Variants in DTHD1 observed in about 807,000 individuals in gnomAD.
DTHD1 encodes the protein death domain containing 1, also known as death domain-containing protein 1.
In DTHD1, 59 loss-of-function variants were observed where a neutral mutation model predicts 74.8. The ratio of observed to expected loss-of-function variants is 0.79; its 90% confidence interval spans 0.64 to 0.98. The LOEUF is 0.98. Ranked by LOEUF, DTHD1 falls within the 50% of genes least tolerant of loss-of-function variation. The probability of loss-of-function intolerance (pLI) is 0.00; values close to 1 mark genes in which losing one functional copy is unlikely to be tolerated. For missense variants in DTHD1, 1,051 were observed against 1,065.4 expected (o/e 0.99, Z 0.19); for synonymous variants, 365 against 371.1 (o/e 0.98, Z 0.19).
chr4:36,316,427 G>C lies in DTHD1; in HGVS notation c.2281G>C (p.Val761Leu), dbSNP rs542659542. 2.4e-5 allele frequency: 37 copies of C among 1,551,746 alleles called. No homozygotes were observed. Among genetic ancestry groups the C allele is most frequent in the Middle Eastern group, 1.7e-4 (1 of 5,994 alleles). ...KIVPNLNQSL[V>L]INENHSQLPI... ...AGTCCCCAACTTGAATCAATCTCTC[G>C]TAATTAATGAAAACCATTCTCAGTT... is the stretch of plus-strand genomic sequence containing the variant. Residue 761 changes from valine to leucine, a missense_variant, in exon 8 of 10, where the codon GTA (valine) becomes CTA (leucine). Coordinates refer to ENST00000639862, the MANE Select transcript of DTHD1 (RefSeq NM_001170700.3).
chr4:36,320,577 A>T (rs1170327208), intron 8 of DTHD1, among the ~76,000 whole-genome samples: 6 of 152,202 alleles, frequency 3.9e-5, no homozygotes, highest in African/African-American at 1.4e-4. Context: ...GGCTTTCCAG[A>T]TTCACTCTTT....
chr4:36,342,224 G>C (rs1343228319), intron 9 of DTHD1, among the ~76,000 whole-genome samples: 1 of 152,216 alleles, frequency 6.6e-6, no homozygotes, highest in East Asian at 1.9e-4. Context: ...GGAGGTAGCA[G>C]AACTCTGGGT....
chr4:36,316,375 C>G lies in DTHD1; in HGVS notation c.2229C>G (p.Val743=). The G allele has an allele frequency of 6.4e-7, 1 of 1,552,040 alleles. No homozygotes were observed. Among genetic ancestry groups the G allele is most frequent in the Non-Finnish European group, 8.7e-7 (1 of 1,147,046 alleles). The change falls in exon 8 of 10, where the codon GTC becomes GTG. Residue 743 remains valine (V), a synonymous_variant. Coordinates refer to ENST00000639862, the MANE Select transcript of DTHD1 (RefSeq NM_001170700.3). The part of the protein sequence containing the change: ...YSCPHYKGTI[V]VYKVPKGKIV... Reference sequence around the variant, plus strand: ...GCCCTCATTACAAAGGCACCATTGTCGTTTATAAAGTACCTAAAGGAAAGA... The same window carrying G: ...GCCCTCATTACAAAGGCACCATTGTGGTTTATAAAGTACCTAAAGGAAAGA...
chr4:36,328,974 A>G (rs1296157509), intron 8 of DTHD1, among the ~76,000 whole-genome samples: 1 of 152,234 alleles, frequency 6.6e-6, no homozygotes, highest in African/African-American at 2.4e-5. Flanking sequence ...TAGAGACTTC[A>G]GTAAGAAAGT....
At chr4:36,286,283 G>A (rs1380303936) in intron 2 of DTHD1, among the ~76,000 whole-genome samples, 2 of 152,164 alleles carry the variant, frequency 1.3e-5, no homozygotes, top group African/African-American at 4.8e-5. Flanking sequence ...CAAAGCATCG[G>A]TTAATGAGTC....
chr4:36,322,938 G>A (rs374893870), intron 8 of DTHD1, among the ~76,000 whole-genome samples: 88 of 152,290 alleles, frequency 5.8e-4, no homozygotes, highest in African/African-American at 2.0e-3. Flanking sequence ...GTGTGCGTGC[G>A]TCTGAAGTCA....
intron 8 of DTHD1, among the ~76,000 whole-genome samples, chr4:36,318,528 G>GA (rs1435911125): frequency 1.3e-5 from 2 of 151,810 alleles, no homozygotes; most frequent in Non-Finnish European, 2.9e-5. Context: ...CATTGATACT[G>GA]AAAATGAGGC....
chr4:36,296,061 T>G (rs927650672), intron 5 of DTHD1, among the ~76,000 whole-genome samples: 1 of 152,102 alleles, frequency 6.6e-6, no homozygotes, highest in Admixed American at 6.6e-5. Context: ...TAGGTTTAAA[T>G]AAAACATAAT....
At chr4:36,343,288 C>A (rs1483404724) in intron 9 of DTHD1, among the ~76,000 whole-genome samples, 2 of 152,210 alleles carry the variant, frequency 1.3e-5, no homozygotes, top group South Asian at 2.1e-4. Context: ...GCATTTAAAA[C>A]TCTCTGCAAT....
At chr4:36,319,355 A>T (rs1265740323) in intron 8 of DTHD1, among the ~76,000 whole-genome samples, 1 of 152,210 alleles carries the variant, frequency 6.6e-6, no homozygotes, top group Non-Finnish European at 1.5e-5. Flanking sequence ...ATTGACTTGA[A>T]GGAATACTCA....
rs1198096958 is a variant in DTHD1 at position 36,308,534 on chromosome 4, A to G, written c.2095+41A>G. On this transcript the variant is annotated intron_variant, in intron 7 of 9. Coordinates refer to ENST00000639862, the MANE Select transcript of DTHD1 (RefSeq NM_001170700.3). ...TCTTTTTATATATTTTATTGGCTAT[A>G]AGCCACAAGCTCTTCAGAAGAGTTT... 1.4e-5 allele frequency: 20 copies of G among 1,457,976 alleles called. No individual in the cohort carries two copies. In the East Asian group the frequency reaches 4.7e-4, roughly 34 times the overall value. The allele number at this position is 1,457,976 out of a possible 1,614,324, so 90.3% of individuals were successfully genotyped here. A position where few individuals can be genotyped will look rare whatever the true frequency, so the allele number is the denominator to read the frequency against.
chr4:36,302,230 G>GT (rs1292973405), intron 5 of DTHD1, among the ~76,000 whole-genome samples: 5 of 152,196 alleles, frequency 3.3e-5, no homozygotes, highest in Admixed American at 2.0e-4. Context: ...GGGATCTTCC[G>GT]TTTTCAATAG....
intron 7 of DTHD1, among the ~76,000 whole-genome samples, chr4:36,312,161 G>T (rs1337645275): frequency 6.6e-6 from 1 of 151,760 alleles, no homozygotes; most frequent in African/African-American, 2.4e-5. Context: ...AGCCCCAACT[G>T]CACACAAAAT....
chr4:36,319,923 G>A (rs1463982397), intron 8 of DTHD1, among the ~76,000 whole-genome samples: 1 of 152,160 alleles, frequency 6.6e-6, no homozygotes. Flanking sequence ...CTTTCACATC[G>A]GTGCTGAAGT....
chr4:36,340,235 G>A (rs547303592), intron 9 of DTHD1, among the ~76,000 whole-genome samples: 3 of 152,284 alleles, frequency 2.0e-5, no homozygotes, highest in Admixed American at 2.0e-4. Context: ...AGTTTTAAAT[G>A]CCAAATAAAG....
Position 36,308,387 on chromosome 4 carries a change from C to T in DTHD1, c.1989C>T (p.Asp663=), listed in dbSNP as rs763551614. The change falls in exon 7 of 10, where the codon GAC becomes GAT. Residue 663 remains aspartate, a synonymous_variant. Coordinates refer to ENST00000639862, the MANE Select transcript of DTHD1 (RefSeq NM_001170700.3). ...AAGATTTAAGCCAGGTGCTTAAGGA[C>T]CTGCACTTGGAAGGGTTTGGAGGAC... ...PSKDLSQVLK[D]LHLEGFGGPP... is the part of the protein sequence containing the mutation. 2 of 1,551,670 alleles carry T rather than the reference C, an allele frequency of 1.3e-6. No homozygotes were observed. Among genetic ancestry groups the T allele is most frequent in the Middle Eastern group, 1.7e-4 (1 of 6,014 alleles).
intron 9 of DTHD1, among the ~76,000 whole-genome samples, chr4:36,340,127 C>A (rs1046863455): frequency 6.6e-6 from 1 of 152,282 alleles, no homozygotes; most frequent in African/African-American, 2.4e-5. Context: ...TATTTGTCCT[C>A]ACATGAATCC....
At chr4:36,295,679 A>G (rs1317416773) in intron 5 of DTHD1, among the ~76,000 whole-genome samples, 1 of 152,096 alleles carries the variant, frequency 6.6e-6, no homozygotes, top group Non-Finnish European at 1.5e-5. Context: ...TTACCTGGAG[A>G]ATATTAAAGA....
At chr4:36,315,312 T>C (rs531534667) in intron 7 of DTHD1, among the ~76,000 whole-genome samples, 1 of 152,356 alleles carries the variant, frequency 6.6e-6, no homozygotes, top group East Asian at 1.9e-4. Context: ...TTTAGGAGAA[T>C]CTGTCAGGTT....
Sources: gnomAD v4.1 joint callset for allele counts (sites outside exome capture counted in the v4.1 genomes callset) on GRCh38, gnomAD v4.1.1 for gene constraint, MANE v1.5 for transcripts, NCBI Gene and HGNC (gene_info 2026-07-23, HGNC 2026-07-21) for gene names.